The following GTPBP6 variants were observed in gnomAD, a reference collection of about 807,000 sequenced individuals.
GTPBP6 encodes GTP binding protein 6.
A neutral mutation model predicts 28.9 loss-of-function variants in GTPBP6; 33 were observed. The ratio of observed to expected loss-of-function variants is 1.14; its 90% CI spans 0.87 to 1.53. The LOEUF (loss-of-function observed/expected upper bound fraction) is 1.53. Ranked by LOEUF, GTPBP6 falls within the 40% of genes most tolerant of loss-of-function variation. The pLI, the probability that GTPBP6 is intolerant of heterozygous loss-of-function variation, is 0.00. For synonymous variants in GTPBP6, 231 were observed against 192.7 expected (o/e 1.20, Z -1.65); for missense variants, 507 against 408.3 (o/e 1.24, Z -2.08).
At chrX:314,970 G>A (rs1412169727) in exon 4 of GTPBP6, 19 of 398,578 alleles carry the variant, frequency 4.8e-5, no homozygotes, top group African/African-American at 1.4e-4. Context: ...TGTGCAGGAC[G>A]ACCGTGAAGC....
chrX:315,685 T>TACACACGCAGACACACACAC (rs1364461824), intron 2 of GTPBP6, among the ~76,000 whole-genome samples: 45 of 2,316 alleles, frequency 0.019, 18 homozygotes, highest in Non-Finnish European at 0.033. Flanking sequence ...CACAAACACA[T>TACACACGCAGACACACACAC]ACACACACAC....
At chrX:317,851 T>C (rs2124481254) in intron 1 of GTPBP6, among the ~76,000 whole-genome samples, 1 of 51,008 alleles carries the variant, frequency 2.0e-5, no homozygotes, top group African/African-American at 7.7e-5. Flanking sequence ...AATGATATCC[T>C]CCCCTCTTCC....
chrX:317,626 C>A (rs2070461872), intron 1 of GTPBP6, among the ~76,000 whole-genome samples: 2 of 151,630 alleles, frequency 1.3e-5, no homozygotes, highest in Non-Finnish European at 2.9e-5. Flanking sequence ...CTCAAACACA[C>A]CGTGCCTACC....
At chrX:307,330 T>C in intron 9 of GTPBP6, 30 bp downstream of exon 9, 1 of 1,606,634 alleles carries the variant, frequency 6.2e-7, no homozygotes, top group Non-Finnish European at 8.5e-7. Context: ...CAAAGCACCA[T>C]CCCGTCTCCT....
chrX:307,684 G>C, intron 8 of GTPBP6, 48 bp downstream of exon 8: 3 of 1,453,030 alleles, frequency 2.1e-6, no homozygotes, highest in Non-Finnish European at 2.7e-6. Flanking sequence ...CCCGGCTCCA[G>C]CGCGTGCAGG....
intron 9 of GTPBP6, among the ~76,000 whole-genome samples, chrX:305,856 C>T (rs1279094635): frequency 6.6e-6 from 1 of 152,140 alleles, no homozygotes; most frequent in Admixed American, 6.5e-5. Flanking sequence ...GATCTCCTGA[C>T]CTTGTGGTCC....
intron 7 of GTPBP6, among the ~76,000 whole-genome samples, chrX:310,899 T>C (rs1375983877): frequency 6.6e-6 from 1 of 151,216 alleles, no homozygotes; most frequent in Admixed American, 6.7e-5. Context: ...CACCGTGCTG[T>C]GTCCGCCACT....
chrX:312,756 G>T lies in GTPBP6; in HGVS notation c.916+10C>A, dbSNP rs1447526549. 4.4e-6 allele frequency: 7 copies of T among 1,593,774 alleles called. No individual in the cohort carries two copies. The highest frequency in any genetic ancestry group is 1.4e-5 in the African/African-American group (1 of 73,726). Reference sequence around the variant, plus strand: ...ACCGCGGAAGGCCCCTCCCCTGGGCGCGTGCTCACCGCAGTTGGTGTACCC... The same window carrying T: ...ACCGCGGAAGGCCCCTCCCCTGGGCTCGTGCTCACCGCAGTTGGTGTACCC... On this transcript the variant is annotated intron_variant, in intron 6 of 9. Coordinates refer to ENST00000326153, the Ensembl canonical transcript of GTPBP6.
chrX:317,056 G>A lies in GTPBP6; in HGVS notation c.350-5C>T, dbSNP rs1363674285. The A allele has an allele frequency of 4.0e-5, 16 of 398,320 alleles. No homozygotes were observed. Among genetic ancestry groups the A allele is most frequent in the African/African-American group, 2.1e-4 (10 of 48,478 alleles). 24.7% of individuals were successfully genotyped at this position (398,320 alleles called of 1,614,324 possible). A position where few individuals can be genotyped will look rare whatever the true frequency, so the allele number is the denominator to read the frequency against. ...CCTCCGCCACCTGCCACTCGGCTGC[G>A]GGGACACAAGGGCCACCGTGAGAGA... On this transcript the variant is annotated splice_polypyrimidine_tract_variant and splice_region_variant and intron_variant, in intron 1 of 9. Coordinates refer to ENST00000326153, the Ensembl canonical transcript of GTPBP6.
chrX:313,984 G>A (rs1430648946), intron 5 of GTPBP6, among the ~76,000 whole-genome samples, 166 bp downstream of exon 5: 1 of 152,082 alleles, frequency 6.6e-6, no homozygotes, highest in Non-Finnish European at 1.5e-5. Context: ...CCACCCTGTT[G>A]GAATCTTCCA....
At chrX:313,994 A>G (rs2070372266) in intron 5 of GTPBP6, among the ~76,000 whole-genome samples, 156 bp downstream of exon 5, 1 of 152,102 alleles carries the variant, frequency 6.6e-6, no homozygotes, top group South Asian at 2.1e-4. Context: ...GGAATCTTCC[A>G]GGGCTGAGGG....
At chrX:308,734 T>A (rs1318535686) in intron 7 of GTPBP6, among the ~76,000 whole-genome samples, 1 of 48,734 alleles carries the variant, frequency 2.1e-5, no homozygotes, top group African/African-American at 1.3e-4. Context: ...AAGTTTTACT[T>A]TTTTTTTTTT....
exon 1 of GTPBP6, chrX:318,687 C>A: frequency 2.6e-6 from 1 of 389,972 alleles, no homozygotes; most frequent in East Asian, 3.6e-5. Flanking sequence ...GGCTAGCGCG[C>A]GCGCGGGGCA....
At chrX:307,332 C>T in intron 9 of GTPBP6, 28 bp downstream of exon 9, 1 of 1,607,956 alleles carries the variant, frequency 6.2e-7, no homozygotes. Context: ...AAGCACCATC[C>T]CGTCTCCTGC....
intron 2 of GTPBP6, 36 bp downstream of exon 2, chrX:316,878 G>C (rs2070449277): frequency 2.5e-6 from 1 of 398,600 alleles, no homozygotes; most frequent in African/African-American, 2.1e-5. Flanking sequence ...GACAGGAAAG[G>C]AGGTTTGGGG....
chrX:307,671 C>G (rs2070200677), intron 8 of GTPBP6, 61 bp downstream of exon 8: 1 of 1,441,370 alleles, frequency 6.9e-7, no homozygotes, highest in Non-Finnish European at 9.2e-7. Flanking sequence ...GGGCATCTCC[C>G]CACCCGGCTC....
chrX:317,781 C>T (rs1209548411), intron 1 of GTPBP6, among the ~76,000 whole-genome samples: 1 of 144,948 alleles, frequency 6.9e-6, no homozygotes, highest in Non-Finnish European at 1.5e-5. Flanking sequence ...CCATAAGCTC[C>T]GCCCCCGCAC....
intron 5 of GTPBP6, among the ~76,000 whole-genome samples, chrX:313,813 TC>T (rs1339129516): frequency 6.6e-6 from 1 of 152,168 alleles, no homozygotes; most frequent in Non-Finnish European, 1.5e-5. Flanking sequence ...CGCAGCCCTG[TC>T]CTCACCTTGA....
intron 2 of GTPBP6, 93 bp from the exon 3 acceptor site, chrX:315,392 G>C (rs1178297915): frequency 2.3e-5 from 9 of 398,448 alleles, no homozygotes; most frequent in Admixed American, 4.4e-5. Context: ...ATGCACCGCG[G>C]AGAGCTCACT....
Sources: gnomAD v4.1 joint callset for allele counts (sites outside exome capture counted in the v4.1 genomes callset) on GRCh38, gnomAD v4.1.1 for gene constraint, MANE v1.5 for transcripts, NCBI Gene and HGNC (gene_info 2026-07-23, HGNC 2026-07-21) for gene names.